CFDP1: variants seen among roughly 807,000 people sequenced by gnomAD.
CFDP1 encodes heterochromatin-stabilizing protein CFDP1.
A neutral mutation model predicts 40.1 loss-of-function variants in CFDP1; 31 were observed. The ratio of observed to expected loss-of-function variants is 0.77; its 90% CI spans 0.58 to 1.04. The LOEUF (loss-of-function observed/expected upper bound fraction) is 1.04, where lower values mean the gene tolerates loss of function less well. CFDP1 is among the 50% of genes least tolerant of loss of function. The pLI, the probability that CFDP1 is intolerant of heterozygous loss-of-function variation, is 0.00. For missense variants in CFDP1, 423 were observed against 343.4 expected (o/e 1.23, Z -1.83); for synonymous variants, 167 against 120.0 (o/e 1.39, Z -2.56).
intron 5 of CFDP1, among the ~76,000 whole-genome samples, chr16:75,380,928 G>C (rs1192912995): frequency 6.6e-6 from 1 of 152,174 alleles, no homozygotes; most frequent in Non-Finnish European, 1.5e-5. Context: ...TTGAGAGTTA[G>C]CAATCGACAG....
chr16:75,346,991 C>T (rs758503103), intron 5 of CFDP1, among the ~76,000 whole-genome samples: 1 of 152,030 alleles, frequency 6.6e-6, no homozygotes, highest in Non-Finnish European at 1.5e-5. Flanking sequence ...AGTTCAGTAA[C>T]AAGGGTCAGC....
chr16:75,365,713 A>G (rs1486359604), intron 5 of CFDP1, among the ~76,000 whole-genome samples: 1 of 152,224 alleles, frequency 6.6e-6, no homozygotes, highest in African/African-American at 2.4e-5. Flanking sequence ...CCTGTCTCAA[A>G]AAAACAAACA....
chr16:75,374,941 T>G (rs2078780697), intron 5 of CFDP1, among the ~76,000 whole-genome samples: 1 of 152,182 alleles, frequency 6.6e-6, no homozygotes, highest in Admixed American at 6.5e-5. Context: ...ACTACTCTAC[T>G]GAACAGTGGA....
intron 5 of CFDP1, among the ~76,000 whole-genome samples, chr16:75,377,989 C>T (rs2078816528): frequency 6.6e-6 from 1 of 152,180 alleles, no homozygotes; most frequent in Non-Finnish European, 1.5e-5. Flanking sequence ...CCCTTAGATA[C>T]ATTTTAACCC....
intron 5 of CFDP1, among the ~76,000 whole-genome samples, chr16:75,336,948 T>C (rs1482948550): frequency 6.6e-6 from 1 of 152,174 alleles, no homozygotes; most frequent in African/African-American, 2.4e-5. Flanking sequence ...AACTGGACAG[T>C]TGCTATGTTT....
intron 5 of CFDP1, among the ~76,000 whole-genome samples, chr16:75,362,576 TA>T (rs1315858689): frequency 7.9e-5 from 12 of 152,224 alleles, no homozygotes; most frequent in Non-Finnish European, 1.5e-4. Context: ...TGTAACATAA[TA>T]ATGCAGCCAA....
chr16:75,363,489 G>A (rs961570902), intron 5 of CFDP1, among the ~76,000 whole-genome samples: 3 of 151,676 alleles, frequency 2.0e-5, no homozygotes, highest in Non-Finnish European at 2.9e-5. Flanking sequence ...TCTGCCTCCT[G>A]GGTTCAAGGG....
At chr16:75,412,097 C>T in intron 3 of CFDP1, 145 bp from the exon 4 acceptor site, 1 of 788,850 alleles carries the variant, frequency 1.3e-6, no homozygotes, top group Non-Finnish European at 1.9e-6. Flanking sequence ...CTCACTGCAA[C>T]CTCCCCACCT....
intron 5 of CFDP1, among the ~76,000 whole-genome samples, chr16:75,382,731 C>T (rs897873975): frequency 7.9e-5 from 12 of 152,180 alleles, no homozygotes; most frequent in African/African-American, 2.9e-4. Flanking sequence ...TACAAGAGAC[C>T]AAGATCAAGA....
At chr16:75,332,517 A>T (rs576277180) in intron 5 of CFDP1, among the ~76,000 whole-genome samples, 1 of 151,772 alleles carries the variant, frequency 6.6e-6, no homozygotes, top group Non-Finnish European at 1.5e-5. Context: ...AATAAAATAC[A>T]GTAGCTCGAT....
At chr16:75,378,977 C>A (rs535124905) in intron 5 of CFDP1, among the ~76,000 whole-genome samples, 8 of 151,880 alleles carry the variant, frequency 5.3e-5, no homozygotes, top group Admixed American at 3.9e-4. Context: ...GGAAATGGAA[C>A]AATACACTTC....
At chr16:75,422,082 C>T (rs1313424425) in intron 1 of CFDP1, among the ~76,000 whole-genome samples, 1 of 152,086 alleles carries the variant, frequency 6.6e-6, no homozygotes, top group Non-Finnish European at 1.5e-5. Context: ...ATTTGTTTTC[C>T]CAAATACTTT....
intron 5 of CFDP1, among the ~76,000 whole-genome samples, chr16:75,371,625 A>C (rs1024723461): frequency 6.6e-6 from 1 of 152,230 alleles, no homozygotes; most frequent in Non-Finnish European, 1.5e-5. Flanking sequence ...AAATATTACT[A>C]TAGCCTAACA....
intron 5 of CFDP1, among the ~76,000 whole-genome samples, chr16:75,351,337 A>G (rs1220780099): frequency 2.6e-5 from 4 of 152,248 alleles, no homozygotes; most frequent in Non-Finnish European, 5.9e-5. Flanking sequence ...ATGTCTTGAA[A>G]TAATGTTTCC....
rs2078985703 is a variant in CFDP1 at position 75,395,135 on chromosome 16, T to G, written c.605A>C (p.Gln202Pro). 6.2e-7 allele frequency: 1 copy of G among 1,613,954 alleles called. No homozygotes were observed. The highest frequency in any genetic ancestry group is 1.3e-5 in the African/African-American group (1 of 75,032). The change falls in exon 5 of 7, where the codon CAG becomes CCG. Residue 202 changes from glutamine (Q) to proline (P), a missense_variant. Physicochemically the swap from Gln to Pro is moderately conservative, Grantham distance 76 (BLOSUM62 -1). Coordinates refer to ENST00000283882, the MANE Select transcript of CFDP1 (RefSeq NM_006324.3). ...TGGCAGAGCTGAAGGAACATTAGCC[T>G]GTGGTTTTTCTTTCTCATTCTGCTT... ...FFKQNEKEKP[Q>P]ANVPSALPSL...
At chr16:75,351,357 A>G (rs2078609235) in intron 5 of CFDP1, among the ~76,000 whole-genome samples, 1 of 152,248 alleles carries the variant, frequency 6.6e-6, no homozygotes, top group South Asian at 2.1e-4. Context: ...CCACAGAAAG[A>G]AAGCAGGGCT....
At chr16:75,330,964 A>T (rs973616488) in intron 5 of CFDP1, among the ~76,000 whole-genome samples, 15 of 10,458 alleles carry the variant, frequency 1.4e-3, no homozygotes, top group African/African-American at 3.1e-3. Context: ...CCAATTATTA[A>T]AAAAAAAAAA....
chr16:75,300,720 C>T (rs994140512), intron 6 of CFDP1, among the ~76,000 whole-genome samples: 2 of 151,974 alleles, frequency 1.3e-5, no homozygotes, highest in Admixed American at 6.6e-5. Flanking sequence ...TCTTGGACAA[C>T]CAGAAGGTGA....
chr16:75,323,239 A>G (rs2078377986), intron 5 of CFDP1, among the ~76,000 whole-genome samples: 1 of 151,764 alleles, frequency 6.6e-6, no homozygotes, highest in African/African-American at 2.4e-5. Flanking sequence ...AAAAAAAAAA[A>G]ACTAAGACAA....
Sources: allele counts gnomAD v4.1 joint callset (sites outside exome capture counted in the v4.1 genomes callset), GRCh38; gene constraint gnomAD v4.1.1; transcripts MANE v1.5; gene names NCBI Gene and HGNC (gene_info 2026-07-23, HGNC 2026-07-21).